The following CEP131 variants were observed in gnomAD, a reference collection of about 807,000 sequenced individuals.
CEP131 encodes centrosomal protein 131.
CEP131 carries 99 observed loss-of-function variants against 136.8 expected under a neutral mutation model. The observed-to-expected ratio is 0.72, with a 90% CI of 0.62 to 0.86. The LOEUF (loss-of-function observed/expected upper bound fraction) is 0.86. Among genes scored for constraint, CEP131 ranks in the 40% least tolerant of loss-of-function variants. CEP131 has a pLI of 0.00. For synonymous variants in CEP131, 646 were observed against 612.7 expected (o/e 1.05, Z -0.80); for missense variants, 1,459 against 1,463.0 (o/e 1.00, Z 0.04).
chr17:81,211,063 T>C (rs567569396), intron 2 of CEP131, among the ~76,000 whole-genome samples: 4 of 152,282 alleles, frequency 2.6e-5, no homozygotes, highest in Admixed American at 6.5e-5. Context: ...GCGCCACCAT[T>C]CTTCCAGAGA....
In CEP131 at chr17:81,189,954, C is replaced by T. The variant is rs761623667; in HGVS notation, c.3129G>A (p.Arg1043=). The change falls in exon 25 of 26, where the codon AGG becomes AGA. Residue 1043 remains arginine (R), a synonymous_variant. Transcript: ENST00000450824. ...GGAGGCTGCTCACGGCCTCCTCCTT[C>T]CTCGCGAGGGCTGTCTTCACCCTGT... is the stretch of plus-strand genomic sequence containing the variant. ...VHRRVKTALA[R]KEEAVSSLRT... 9.3e-6 allele frequency: 15 copies of T among 1,610,994 alleles called. No homozygotes were observed. The highest frequency in any genetic ancestry group is 7.6e-6 in the Non-Finnish European group (9 of 1,178,384).
At chr17:81,210,564 G>A (rs933807863) in intron 2 of CEP131, among the ~76,000 whole-genome samples, 1 of 150,752 alleles carries the variant, frequency 6.6e-6, no homozygotes, top group Non-Finnish European at 1.5e-5. Context: ...GCGAGACTCC[G>A]TCAAAAAACA....
intron 2 of CEP131, among the ~76,000 whole-genome samples, chr17:81,213,349 C>T (rs1413592441): frequency 6.6e-6 from 1 of 152,184 alleles, no homozygotes; most frequent in East Asian, 1.9e-4. Flanking sequence ...CACTTGAGGT[C>T]AGGAGTTCGA....
At chr17:81,194,844 C>T in intron 17 of CEP131, 26 bp downstream of exon 17, 1 of 1,593,610 alleles carries the variant, frequency 6.3e-7, no homozygotes, top group Non-Finnish European at 8.6e-7. Flanking sequence ...CCACACCTGG[C>T]CGGCTCATGG....
Position 81,197,810 on chromosome 17 carries a change from C to T in CEP131, c.1549G>A (p.Asp517Asn), listed in dbSNP as rs377702390. 1.2e-6 allele frequency: 2 copies of T among 1,613,210 alleles called. No homozygotes were observed. The highest frequency in any genetic ancestry group is 2.7e-5 in the African/African-American group (2 of 74,934). ...KLSAFPEPPE[D>N]GTLLSEAKLQ... ...TTGGCCTCCGATAGCAGCGTCCCAT[C>T]CTCAGGAGGTTCGGGGAACGCACTG... The change falls in exon 13 of 26, where the codon GAT (aspartate) becomes AAT (asparagine). Residue 517 changes from aspartate to asparagine, a missense_variant. Asp to Asn is a conservative substitution (Grantham distance 23). Around this residue, in one of 3 missense-constraint regions of CEP131, gnomAD observed 1,026 missense variants for 964.2 expected, o/e 1.06. Transcript: ENST00000450824.
At chr17:81,197,259 C>T in intron 13 of CEP131, 1 of 664,076 alleles carries the variant, frequency 1.5e-6, no homozygotes, top group Non-Finnish European at 2.5e-6. Context: ...GCCGTGGCCT[C>T]AGGAATAAAA....
At chr17:81,207,465 G>C (rs1436284078) in intron 3 of CEP131, among the ~76,000 whole-genome samples, 2 of 151,128 alleles carry the variant, frequency 1.3e-5, no homozygotes, top group East Asian at 3.9e-4. Context: ...CAGTCACACC[G>C]ATCACAGTTT....
chr17:81,218,303 A>G (rs1239252143), intron 2 of CEP131, among the ~76,000 whole-genome samples: 1 of 152,156 alleles, frequency 6.6e-6, no homozygotes. Flanking sequence ...TCAACCTCCC[A>G]AAGTGCTGGG....
rs1306296774 is a variant in CEP131, at chr17:81,200,452, C to T, written c.789-6G>A. The T allele has an allele frequency of 7.8e-6, 12 of 1,544,342 alleles. No individual in the cohort carries two copies. The highest frequency in any genetic ancestry group is 1.4e-5 in the African/African-American group (1 of 72,896). ...GGTTCACCTGGTGGATAAACCTGCC[C>T]GGAGAGCAGGACTCAGGGCCAAGAC... On this transcript the variant is annotated splice_region_variant and splice_polypyrimidine_tract_variant and intron_variant, in intron 7 of 25. Transcript: ENST00000450824.
At position 81,189,861 on chromosome 17, in the gene CEP131, G is replaced by A. The variant is rs763948870; in HGVS notation, c.3169-18C>T. 19 of 1,612,290 alleles carry A rather than the reference G, an allele frequency of 1.2e-5. 1 individual carries two copies. In the South Asian group the frequency reaches 2.0e-4, roughly 17 times the overall value. The stretch of plus-strand genomic sequence containing the variant: ...ACCGCAGCCTGCAGCACACCCACAG[G>A]GTCAGGCCTGCTCCCAGCCCCGAGG... On this transcript the variant is annotated intron_variant, in intron 25 of 25. Transcript: ENST00000450824.
intron 3 of CEP131, 80 bp from the exon 4 acceptor site, chr17:81,207,319 C>A: frequency 2.4e-6 from 3 of 1,264,994 alleles, no homozygotes; most frequent in Middle Eastern, 2.4e-4. Context: ...CCAGGCAGGT[C>A]CCGCGAGGAC....
rs369689328 is a variant in CEP131, at chr17:81,192,726, C to T, written c.2429+10G>A. On this transcript the variant is annotated intron_variant, in intron 19 of 25. Transcript: ENST00000450824. The stretch of plus-strand genomic sequence containing the variant: ...TCCCTGGGAGAGGGCGTGGTGCCCC[C>T]GGGCGGCACCTGGCTGCCTGCTGGC... 30 of 1,547,852 alleles carry T rather than the reference C, an allele frequency of 1.9e-5. No homozygotes were observed. Among genetic ancestry groups the T allele is most frequent in the Admixed American group, 3.4e-5 (2 of 59,410 alleles).
chr17:81,213,000 C>T (rs956600909), intron 2 of CEP131, among the ~76,000 whole-genome samples: 7 of 152,114 alleles, frequency 4.6e-5, no homozygotes, highest in Non-Finnish European at 7.3e-5. Context: ...GAAAAAGAAC[C>T]GGGGCTTCTT....
At chr17:81,220,643 C>T (rs180994172) in intron 1 of CEP131, among the ~76,000 whole-genome samples, 1,878 of 152,020 alleles carry the variant, frequency 0.012, 29 homozygotes, top group East Asian at 0.056. Flanking sequence ...TACAGGTGCC[C>T]GCCACCACGC....
intron 1 of CEP131, among the ~76,000 whole-genome samples, chr17:81,220,470 T>C (rs2062362856): frequency 6.6e-6 from 1 of 152,188 alleles, no homozygotes; most frequent in Non-Finnish European, 1.5e-5. Flanking sequence ...TTTTCTTCTG[T>C]AAAAGGGACA....
rs1379430845 is a variant in CEP131, at chr17:81,203,367, T to C, written c.629+127A>G. On this transcript the variant is annotated intron_variant, in intron 6 of 25. Coordinates refer to ENST00000450824, the MANE Select transcript of CEP131 (RefSeq NM_014984.4). This position sits in a 1 kb window ranked among gnomAD's most constrained non-coding sequence, Gnocchi z 4.6. ...CCCCATGCACACTGACCGCATGCCC[T>C]GACCAAGGTAGAACCCTGTGTGAAC... is the stretch of plus-strand genomic sequence containing the variant. 3 of 741,018 alleles carry C rather than the reference T, an allele frequency of 4.0e-6. No individual in the cohort carries two copies. The highest frequency in any genetic ancestry group is 6.6e-6 in the Non-Finnish European group (3 of 451,694). 45.9% of individuals were successfully genotyped at this position (741,018 alleles called of 1,614,324 possible).
chr17:81,192,667 A>AGGGGGGGGGTGGGGGGGGGG (rs3833101), intron 19 of CEP131, 69 bp downstream of exon 19: 1 of 176,868 alleles, frequency 5.7e-6, no homozygotes, highest in African/African-American at 4.9e-5. Flanking sequence ...TCAGCGGGTG[A>AGGGGGGGGGTGGGGGGGGGG]GGGGGCGGGG....
chr17:81,221,124 CAAA>C (rs760838378), intron 1 of CEP131, among the ~76,000 whole-genome samples: 1 of 53,874 alleles, frequency 1.9e-5, no homozygotes, highest in Non-Finnish European at 3.4e-5. Context: ...GACTCCATCT[CAAA>C]AAAAAAAAAA....
Position 81,200,339 on chromosome 17 carries a change from G to T in CEP131, c.896C>A (p.Ala299Asp). The change falls in exon 8 of 26, where the codon GCC (alanine) becomes GAC (aspartate). Residue 299 changes from alanine (A) to aspartate (D), a missense_variant. Ala to Asp is a moderately radical substitution (Grantham distance 126). Transcript: ENST00000450824. ...GAARLEHLLQ[A>D]KREEQRQRSG... ...GACGCCCACACTGACCTCCCGCTTG[G>T]CCTGAAGCAAGTGCTCCAGGCGGGC... 1 of 1,600,720 alleles carries T rather than the reference G, an allele frequency of 6.2e-7. No homozygotes were observed. The highest frequency in any genetic ancestry group is 8.5e-7 in the Non-Finnish European group (1 of 1,174,272).
Sources: gnomAD v4.1 joint callset for allele counts (sites outside exome capture counted in the v4.1 genomes callset) on GRCh38, gnomAD v4.1.1 for gene constraint, gnomAD v4.1.1 regional missense constraint, Gnocchi (gnomAD v3.1) non-coding constraint, MANE v1.5 for transcripts, NCBI Gene and HGNC (gene_info 2026-07-23, HGNC 2026-07-21) for gene names.